MTO1: variants seen among roughly 807,000 people sequenced by gnomAD.
The protein encoded by MTO1 is mitochondrial tRNA translation optimization 1.
In MTO1, 46 loss-of-function variants were observed where a neutral mutation model predicts 71.6. The ratio of observed to expected loss-of-function variants is 0.64; its 90% CI spans 0.51 to 0.82. The LOEUF (loss-of-function observed/expected upper bound fraction) is 0.82. MTO1 is among the 40% of genes least tolerant of loss of function. MTO1 has a pLI of 0.00. For synonymous variants in MTO1, 297 were observed against 312.1 expected, an observed-to-expected ratio of 0.95 and a Z score of 0.51; for missense variants, 773 against 867.5, an observed-to-expected ratio of 0.89 and a Z score of 1.37.
At position 73,508,890 on chromosome 6, in the gene MTO1, GTTC is replaced by G. The variant is rs1772354619; in HGVS notation, c.*8161_*8163del. On this transcript the variant is annotated 3_prime_UTR_variant, in exon 12 of 12. Transcript: ENST00000498286. ...GGACTGTAGGTCAATGCTCCACGAG[GTTC>G]TTCTTTTGTTGCACCAATATAGCTG... The G allele has an allele frequency of 6.6e-6, 1 of 152,176 alleles. No homozygotes were observed. The highest frequency in any genetic ancestry group is 1.5e-5 in the Non-Finnish European group (1 of 68,048). The allele number at this position is 152,176 out of a possible 1,614,324, so 9.4% of individuals were successfully genotyped here. A position where few individuals can be genotyped will look rare whatever the true frequency, so the allele number is the denominator to read the frequency against.
At position 73,479,911 on chromosome 6, in the gene MTO1, A is replaced by G. The variant is rs367900662; in HGVS notation, c.939-25A>G. Reference sequence around the variant, plus strand: ...CGTCAATCCTCTTTTGTTCATTTCAAGTTTATTTAAATGTTCTATTCTAGA... The same window carrying G: ...CGTCAATCCTCTTTTGTTCATTTCAGGTTTATTTAAATGTTCTATTCTAGA... On this transcript the variant is annotated intron_variant, in intron 5 of 11. Coordinates refer to ENST00000498286, the MANE Select transcript of MTO1 (RefSeq NM_012123.4). 8 of 1,606,364 alleles carry G rather than the reference A, an allele frequency of 5.0e-6. No individual in the cohort carries two copies. In the African/African-American group the frequency reaches 1.1e-4, roughly 22 times the overall value.
intron 10 of MTO1, among the ~76,000 whole-genome samples, chr6:73,495,647 A>G (rs1771959836): frequency 6.6e-6 from 1 of 151,396 alleles, no homozygotes; most frequent in Non-Finnish European, 1.5e-5. Flanking sequence ...TAGACAAAAC[A>G]TTTCTTGAGG....
chr6:73,486,258 A>T (rs2017272), intron 9 of MTO1, among the ~76,000 whole-genome samples: 106,677 of 152,056 alleles, frequency 0.7, 37,806 homozygotes, highest in South Asian at 0.77. Flanking sequence ...TTACCATCTT[A>T]ACTATTTGTA....
chr6:73,485,462 G>A (rs1582690335), intron 9 of MTO1, among the ~76,000 whole-genome samples: 2 of 145,350 alleles, frequency 1.4e-5, no homozygotes, highest in South Asian at 4.3e-4. Context: ...TTTTTGAGAC[G>A]GAGTCTCACT....
Position 73,461,895 on chromosome 6 carries a change from C to G in MTO1, c.41C>G (p.Ser14Cys). The G allele has an allele frequency of 1.2e-6, 2 of 1,614,138 alleles. No homozygotes were observed. The highest frequency in any genetic ancestry group is 1.7e-6 in the Non-Finnish European group (2 of 1,179,930). ...FRGCGRWVAV[S>C]FTKQQFPLAR... is the part of the protein sequence containing the mutation. Reference sequence around the variant, plus strand: ...GGCTGTGGCCGTTGGGTCGCGGTTTCCTTCACCAAGCAGCAATTTCCGTTG... The same window carrying G: ...GGCTGTGGCCGTTGGGTCGCGGTTTGCTTCACCAAGCAGCAATTTCCGTTG... The change falls in exon 1 of 12, where the codon TCC becomes TGC. Residue 14 changes from serine (S) to cysteine (C), a missense_variant. Ser to Cys is a moderately radical substitution (Grantham distance 112, BLOSUM62 -1). Transcript: ENST00000498286.
chr6:73,480,033 C>T lies in MTO1; in HGVS notation c.1036C>T (p.Pro346Ser), dbSNP rs1234025060. 1 of 1,613,968 alleles carries T rather than the reference C, an allele frequency of 6.2e-7. No homozygotes were observed. The highest frequency in any genetic ancestry group is 1.3e-5 in the African/African-American group (1 of 74,910). The change falls in exon 6 of 12, where the codon CCA becomes TCA. Residue 346 changes from proline (P) to serine (S), a missense_variant. Pro to Ser is a moderately conservative substitution (Grantham distance 74). Transcript: ENST00000498286. Reference protein sequence around the residue: ...PEGMDSDLIYPQGLSMTLPAE... With the variant: ...PEGMDSDLIYSQGLSMTLPAE... Reference sequence around the variant, plus strand: ...AGGAATGGATTCTGACCTTATCTACCCACAGGGGTTATCTATGACGCTACC... The same window carrying T: ...AGGAATGGATTCTGACCTTATCTACTCACAGGGGTTATCTATGACGCTACC...
chr6:73,474,737 A>G (rs1771261260), intron 4 of MTO1, among the ~76,000 whole-genome samples: 1 of 149,418 alleles, frequency 6.7e-6, no homozygotes. Context: ...TACAGATGTG[A>G]GCCACTGCAC....
intron 4 of MTO1, among the ~76,000 whole-genome samples, chr6:73,474,172 A>G (rs901556581): frequency 1.3e-5 from 2 of 151,660 alleles, no homozygotes; most frequent in African/African-American, 4.8e-5. Context: ...AGCTCACTGC[A>G]ACGTCTGCCT....
At chr6:73,478,723 G>C (rs550580297) in intron 4 of MTO1, among the ~76,000 whole-genome samples, 1 of 151,274 alleles carries the variant, frequency 6.6e-6, no homozygotes. Flanking sequence ...GATTTTTTTA[G>C]TAGAGACAGA....
intron 10 of MTO1, among the ~76,000 whole-genome samples, chr6:73,496,842 C>T (rs569634969): frequency 1.3e-5 from 2 of 152,026 alleles, no homozygotes; most frequent in East Asian, 3.9e-4. Context: ...ATCATGAGGT[C>T]AGGAGTTCGA....
rs1399712510 is a variant in MTO1 at position 73,508,695 on chromosome 6, A to G, written c.*7960A>G. Reference sequence around the variant, plus strand: ...AGAAATGCATCCCTAACTTCAACATAAAGATAGCTATGAGAAAACATTCTT... The same window carrying G: ...AGAAATGCATCCCTAACTTCAACATGAAGATAGCTATGAGAAAACATTCTT... On this transcript the variant is annotated 3_prime_UTR_variant, in exon 12 of 12. Transcript: ENST00000498286. 1 of 152,200 alleles carries G rather than the reference A, an allele frequency of 6.6e-6. No homozygotes were observed. The highest frequency in any genetic ancestry group is 2.4e-5 in the African/African-American group (1 of 41,462). 9.4% of individuals were successfully genotyped at this position (152,200 alleles called of 1,614,324 possible).
chr6:73,492,103 CA>C lies in MTO1; in HGVS notation c.1638-116del, dbSNP rs5877369. 233,531 of 477,300 alleles carry C rather than the reference CA, an allele frequency of 0.49. 31,351 individuals carry two copies. Among genetic ancestry groups the C allele is most frequent in the African/African-American group, 0.7 (32,555 of 46,372 alleles). The allele number at this position is 477,300 out of a possible 1,614,324, so 29.6% of individuals were successfully genotyped here. A position where few individuals can be genotyped will look rare whatever the true frequency, so the allele number is the denominator to read the frequency against. ...TGGGCGACAGAGCGAGACTCCATCTCAAAAAAAAAAAAAAAGAAATAATCTT... is the reference window on the plus strand; with the variant it reads ...TGGGCGACAGAGCGAGACTCCATCTCAAAAAAAAAAAAAAGAAATAATCTT... On this transcript the variant is annotated intron_variant, in intron 9 of 11. Transcript: ENST00000498286.
At position 73,503,090 on chromosome 6, in the gene MTO1, A is replaced by T. The variant is rs1772204050; in HGVS notation, c.*2355A>T. 6.6e-6 allele frequency: 1 copy of T among 152,120 alleles called. No homozygotes were observed. Among genetic ancestry groups the T allele is most frequent in the Admixed American group, 6.6e-5 (1 of 15,252 alleles). The allele number at this position is 152,120 out of a possible 1,614,324, so 9.4% of individuals were successfully genotyped here. A position where few individuals can be genotyped will look rare whatever the true frequency, so the allele number is the denominator to read the frequency against. The stretch of plus-strand genomic sequence containing the variant: ...ATGGAAAATACATATTTTAGATTCT[A>T]TGATTTGCTTTAGGATGTGAACTTC... On this transcript the variant is annotated 3_prime_UTR_variant, in exon 12 of 12. Transcript: ENST00000498286.
rs138494495 is a variant in MTO1, at chr6:73,462,064, C to T, written c.210C>T (p.Asp70=). The T allele has an allele frequency of 9.9e-6, 16 of 1,613,416 alleles. No individual in the cohort carries two copies. The highest frequency in any genetic ancestry group is 3.3e-5 in the Admixed American group (2 of 59,984). Residue 70 remains aspartate (D), a synonymous_variant, in exon 1 of 12, where the codon GAC becomes GAT. Coordinates refer to ENST00000498286, the MANE Select transcript of MTO1 (RefSeq NM_012123.4). The part of the protein sequence containing the change: ...SRTLLLTHRV[D]TIGQMSCNPS... ...CTCTGCTCCTCACTCACCGCGTGGA[C>T]ACGATCGGTGAGGAGCGCGGGTGCT... is the stretch of plus-strand genomic sequence containing the variant.
In MTO1 at chr6:73,480,053, GC is replaced by G; in HGVS notation, c.1057del (p.Leu353TyrfsTer9). The G allele has an allele frequency of 6.2e-7, 1 of 1,614,094 alleles. No individual in the cohort carries two copies. Among genetic ancestry groups the G allele is most frequent in the Non-Finnish European group, 8.5e-7 (1 of 1,180,012 alleles). ...TCTACCCACAGGGGTTATCTATGACGCTACCAGCTGAGTTACAAGAGAAAAT... is the reference window on the plus strand; with the variant it reads ...TCTACCCACAGGGGTTATCTATGACGTACCAGCTGAGTTACAAGAGAAAAT... ...LIYPQGLSMT[L>X]PAELQEKMIT... is the part of the protein sequence containing the mutation. On this transcript the variant is annotated frameshift_variant, in exon 6 of 12. Coordinates refer to ENST00000498286, the MANE Select transcript of MTO1 (RefSeq NM_012123.4). LOFTEE classifies it high-confidence loss of function.
intron 1 of MTO1, among the ~76,000 whole-genome samples, chr6:73,465,061 T>C (rs141357313): frequency 2.5e-3 from 388 of 152,292 alleles, no homozygotes; most frequent in Middle Eastern, 0.014. Context: ...TTATATTTAA[T>C]TCTGCAAAGT....
Sources: allele counts gnomAD v4.1 joint callset (sites outside exome capture counted in the v4.1 genomes callset), GRCh38; gene constraint gnomAD v4.1.1; transcripts MANE v1.5; gene names NCBI Gene and HGNC (gene_info 2026-07-23, HGNC 2026-07-21).